Variants in HMCN1 observed in about 807,000 individuals in gnomAD.
HMCN1 encodes hemicentin-1.
HMCN1 carries 321 observed loss-of-function variants against 625.9 expected under a neutral mutation model. The observed-to-expected ratio is 0.51, with a 90% confidence interval of 0.47 to 0.56. HMCN1 has a LOEUF of 0.56. Ranked by LOEUF, HMCN1 falls within the 20% of genes least tolerant of loss-of-function variation. The pLI, the probability that HMCN1 is intolerant of heterozygous loss-of-function variation, is 0.00. For missense variants in HMCN1, 6,588 were observed against 6,887.3 expected (o/e 0.96, Z 1.54); for synonymous variants, 2,425 against 2,417.6 (o/e 1.00, Z -0.09).
At chr1:186,176,627 A>G (rs1479663935) in intron 103 of HMCN1, among the ~76,000 whole-genome samples, 2 of 152,246 alleles carry the variant, frequency 1.3e-5, no homozygotes, top group Non-Finnish European at 2.9e-5. Context: ...GTGGGAATAC[A>G]TTGCTAAACA....
rs181881056 is a variant in HMCN1 at position 186,109,601 on chromosome 1, G to A, written c.10989+1004G>A. 2.6e-5 allele frequency among the ~76,000 whole-genome samples: 4 copies of A among 152,262 alleles called. No homozygotes were observed. In the East Asian group the frequency reaches 7.7e-4, roughly 29 times the overall value. ...ACAGAGATGAGAAGCAAATAATCCAGACTAAAGGGTAAGGAACAGCCCATG... is the reference window on the plus strand; with the variant it reads ...ACAGAGATGAGAAGCAAATAATCCAAACTAAAGGGTAAGGAACAGCCCATG... On this transcript the variant is annotated intron_variant, in intron 71 of 106. Transcript: ENST00000271588.
At chr1:185,982,187 T>C in intron 17 of HMCN1, 75 bp from the exon 18 acceptor site, 4 of 1,398,218 alleles carry the variant, frequency 2.9e-6, no homozygotes, top group Admixed American at 1.7e-5. Context: ...TAACAGTCTT[T>C]GGGGCCTGTG....
intron 1 of HMCN1, among the ~76,000 whole-genome samples, chr1:185,824,114 G>A (rs912791113): frequency 1.3e-5 from 2 of 152,110 alleles, no homozygotes; most frequent in African/African-American, 4.8e-5. Flanking sequence ...CACATGTCCT[G>A]AGTACTTGGC....
intron 40 of HMCN1, 150 bp downstream of exon 40, chr1:186,041,286 G>A (rs1184991092): frequency 6.3e-6 from 5 of 787,800 alleles, no homozygotes; most frequent in Non-Finnish European, 1.1e-5. Flanking sequence ...TTCTCTTTCT[G>A]CCTTATATCT....
intron 39 of HMCN1, among the ~76,000 whole-genome samples, chr1:186,040,263 A>T (rs907626965): frequency 1.3e-5 from 2 of 152,144 alleles, no homozygotes; most frequent in African/African-American, 2.4e-5. Flanking sequence ...ATAGTAATGA[A>T]TCAGAGACTA....
At chr1:185,862,262 T>C (rs1286590205) in intron 2 of HMCN1, among the ~76,000 whole-genome samples, 1 of 152,120 alleles carries the variant, frequency 6.6e-6, no homozygotes, top group African/African-American at 2.4e-5. Flanking sequence ...ACCTCTTTAC[T>C]GCAGGCAAAA....
intron 52 of HMCN1, among the ~76,000 whole-genome samples, chr1:186,071,858 T>C (rs1658499188): frequency 6.6e-6 from 1 of 152,202 alleles, no homozygotes; most frequent in African/African-American, 2.4e-5. Context: ...AAATAATCCC[T>C]TTCTCCTTTG....
chr1:186,034,159 C>A (rs982808736), intron 36 of HMCN1, among the ~76,000 whole-genome samples: 6 of 152,170 alleles, frequency 3.9e-5, no homozygotes, highest in African/African-American at 1.4e-4. Flanking sequence ...GAATGTTCCA[C>A]ACACTTCCTC....
chr1:185,893,739 T>C (rs1665297853), intron 4 of HMCN1, among the ~76,000 whole-genome samples: 1 of 152,212 alleles, frequency 6.6e-6, no homozygotes, highest in Admixed American at 6.5e-5. Context: ...GTTAGAAAAG[T>C]GCTTTTATGA....
At chr1:186,161,615 G>C (rs1182690074) in intron 97 of HMCN1, among the ~76,000 whole-genome samples, 1 of 151,994 alleles carries the variant, frequency 6.6e-6, no homozygotes, top group Non-Finnish European at 1.5e-5. Context: ...GGGCAGGCCT[G>C]GTGGTGACAA....
intron 60 of HMCN1, 134 bp downstream of exon 60, chr1:186,087,779 G>A: frequency 4.3e-6 from 5 of 1,165,282 alleles, no homozygotes; most frequent in Non-Finnish European, 6.4e-6. Flanking sequence ...CAATGCCATT[G>A]ACTATTTTTA....
rs569112215 is a variant in HMCN1 at position 186,088,298 on chromosome 1, G to T, written c.9577+22G>T. 6.1e-5 allele frequency: 98 copies of T among 1,596,584 alleles called. No homozygotes were observed. In the African/African-American group the frequency reaches 1.0e-3, roughly 17 times the overall value. ...ATAGGTAAGGCAACCATGCATTTTT[G>T]TGTGTGTGTGTGTTTTTTTCTCTTG... On this transcript the variant is annotated intron_variant, in intron 62 of 106. Transcript: ENST00000271588.
At chr1:186,117,349 A>T in intron 76 of HMCN1, 110 bp from the exon 77 acceptor site, 1 of 1,314,964 alleles carries the variant, frequency 7.6e-7, no homozygotes, top group Non-Finnish European at 1.1e-6. Context: ...TTTTCTACTT[A>T]CCTAACTTTC....
chr1:185,832,085 CG>C (rs1660898124), intron 1 of HMCN1, among the ~76,000 whole-genome samples: 1 of 152,022 alleles, frequency 6.6e-6, no homozygotes, highest in Non-Finnish European at 1.5e-5. Context: ...CTCTTGAGGT[CG>C]GAAGTTCGAG....
At chr1:186,108,861 T>C (rs1660747524) in intron 71 of HMCN1, among the ~76,000 whole-genome samples, 1 of 152,190 alleles carries the variant, frequency 6.6e-6, no homozygotes, top group Non-Finnish European at 1.5e-5. Flanking sequence ...AAGTTTGTAT[T>C]TCCTAGCGCC....
chr1:186,017,842 A>G (rs1394280516), intron 33 of HMCN1, among the ~76,000 whole-genome samples: 1 of 151,952 alleles, frequency 6.6e-6, no homozygotes, highest in Non-Finnish European at 1.5e-5. Flanking sequence ...AGATATTTTT[A>G]TTCAGGTATG....
intron 1 of HMCN1, among the ~76,000 whole-genome samples, chr1:185,775,757 G>A (rs1656557402): frequency 6.6e-6 from 1 of 152,242 alleles, no homozygotes; most frequent in Admixed American, 6.5e-5. Flanking sequence ...GACTAAGTAT[G>A]TGCTTTTTAA....
At chr1:185,738,359 G>A (rs1207795734) in intron 1 of HMCN1, among the ~76,000 whole-genome samples, 5 of 151,882 alleles carry the variant, frequency 3.3e-5, no homozygotes, top group Non-Finnish European at 7.4e-5. Context: ...CTATTTTTTT[G>A]CTTCTATAGA....
intron 2 of HMCN1, among the ~76,000 whole-genome samples, chr1:185,846,737 C>G (rs142563651): frequency 1.3e-5 from 2 of 152,294 alleles, no homozygotes; most frequent in East Asian, 3.9e-4. Context: ...CACTTTCCAT[C>G]ATTCATTTTG....
Sources: allele counts gnomAD v4.1 joint callset (sites outside exome capture counted in the v4.1 genomes callset), GRCh38; gene constraint gnomAD v4.1.1; transcripts MANE v1.5; gene names NCBI Gene and HGNC (gene_info 2026-07-23, HGNC 2026-07-21).